ASB18: variants seen among roughly 807,000 people sequenced by gnomAD.
ASB18 encodes the protein ankyrin repeat and SOCS box containing 18, also known as ankyrin repeat and SOCS box protein 18.
In ASB18, 33 loss-of-function variants were observed where a neutral mutation model predicts 33.4. That is an observed-to-expected ratio of 0.99 (90% CI 0.75 to 1.32). The LOEUF is 1.32. Ranked by LOEUF, ASB18 falls within the 40% of genes most tolerant of loss-of-function variation. The probability of loss-of-function intolerance (pLI) is 0.00; values close to 1 mark genes in which losing one functional copy is unlikely to be tolerated. For missense variants in ASB18, 694 were observed against 655.5 expected, an observed-to-expected ratio of 1.06 and a Z score of -0.64; for synonymous variants, 295 against 307.6, an observed-to-expected ratio of 0.96 and a Z score of 0.43.
chr2:236,234,167 G>A lies in ASB18; in HGVS notation c.596+3522C>T, dbSNP rs567359817. On this transcript the variant is annotated intron_variant, in intron 3 of 5. Transcript: ENST00000409749. The surrounding 1 kb of genome is among the most constrained non-coding windows in gnomAD (Gnocchi z 4.1). ...AAACTGGAACCACTACTGAATCTAC[G>A]TCTTGGTAGAACACCTGGATACTCC... Among the ~76,000 whole-genome samples the A allele has an allele frequency of 3.9e-5, 6 of 152,264 alleles. No individual in the cohort carries two copies. Among genetic ancestry groups the A allele is most frequent in the East Asian group, 3.9e-4 (2 of 5,184 alleles).
chr2:236,254,978 G>C (rs2060685388), intron 1 of ASB18, among the ~76,000 whole-genome samples: 1 of 151,834 alleles, frequency 6.6e-6, no homozygotes, highest in Non-Finnish European at 1.5e-5. Context: ...TAGCACTCGC[G>C]ACCCCACTCT....
rs1383281955 is a variant in ASB18 at position 236,225,831 on chromosome 2, C to T, written c.597-10965G>A. Among the ~76,000 whole-genome samples the T allele has an allele frequency of 6.6e-6, 1 of 151,552 alleles. No individual in the cohort carries two copies. The highest frequency in any genetic ancestry group is 1.5e-5 in the Non-Finnish European group (1 of 67,964). On this transcript the variant is annotated intron_variant, in intron 3 of 5. Coordinates refer to ENST00000409749, the MANE Select transcript of ASB18 (RefSeq NM_212556.4). This position sits in a 1 kb window ranked among gnomAD's most constrained non-coding sequence, Gnocchi z 5.1. The stretch of plus-strand genomic sequence containing the variant: ...TTTTAATCCCAGGAACTCAGAGACT[C>T]AAAGGTTTTAAAGTCCTGTGCCCAT...
rs73128931 is a variant in ASB18, at chr2:236,239,668, T to C, written c.328+1612A>G. 0.073 allele frequency among the ~76,000 whole-genome samples: 11,062 copies of C among 152,298 alleles called. 931 individuals carry two copies. Among genetic ancestry groups the C allele is most frequent in the African/African-American group, 0.2 (8,497 of 41,546 alleles). On this transcript the variant is annotated intron_variant, in intron 2 of 5. Coordinates refer to ENST00000409749, the MANE Select transcript of ASB18 (RefSeq NM_212556.4). This position sits in a 1 kb window ranked among gnomAD's most constrained non-coding sequence, Gnocchi z 5.6. ...CTGTGGGCTGGATGGGCCAGCATTC[T>C]ATCACGGAGGGGCACCGAGGTGGTG... is the stretch of plus-strand genomic sequence containing the variant.
In ASB18 at chr2:236,214,369, A is replaced by G. The variant is rs1369719494; in HGVS notation, c.1094T>C (p.Phe365Ser). ...HGSPTVWPDA[F>S]PKVLKTCASV... ...GGCTGGATCCTGCCTTACCTTGGGG[A>G]AGGCGTCGGGCCACACGGTGGGAGA... The change falls in exon 4 of 6, where the codon TTC becomes TCC. Residue 365 changes from phenylalanine to serine, a missense_variant. Coordinates refer to ENST00000409749, the MANE Select transcript of ASB18 (RefSeq NM_212556.4). This position sits in a 1 kb window ranked among gnomAD's most constrained non-coding sequence, Gnocchi z 6.5. 4 of 1,575,510 alleles carry G rather than the reference A, an allele frequency of 2.5e-6. No homozygotes were observed. Among genetic ancestry groups the G allele is most frequent in the Non-Finnish European group, 3.4e-6 (4 of 1,164,926 alleles).
In ASB18 at chr2:236,214,127, C is replaced by T; in HGVS notation, c.1101+235G>A. 1.8e-6 allele frequency: 1 copy of T among 544,082 alleles called. No homozygotes were observed. Among genetic ancestry groups the T allele is most frequent in the South Asian group, 2.2e-5 (1 of 44,800 alleles). The allele number at this position is 544,082 out of a possible 1,614,324, so 33.7% of individuals were successfully genotyped here. The stretch of plus-strand genomic sequence containing the variant: ...GGCTCTAACCAGAAGGCTTCTAGGC[C>T]CCTGTTCCTCAAAATGGGGTCCCAG... On this transcript the variant is annotated intron_variant, in intron 4 of 5. Coordinates refer to ENST00000409749, the MANE Select transcript of ASB18 (RefSeq NM_212556.4). This position sits in a 1 kb window ranked among gnomAD's most constrained non-coding sequence, Gnocchi z 6.5.
rs1199092808 is a variant in ASB18 at position 236,235,921 on chromosome 2, C to T, written c.596+1768G>A. The stretch of plus-strand genomic sequence containing the variant: ...GTTGCCCAGGCTGGTCTTGAACTCC[C>T]GGACTCAAGTGATCTGCCTGTCTCA... On this transcript the variant is annotated intron_variant, in intron 3 of 5. Coordinates refer to ENST00000409749, the MANE Select transcript of ASB18 (RefSeq NM_212556.4). The surrounding 1 kb of genome is among the most constrained non-coding windows in gnomAD (Gnocchi z 6.2). 1.3e-5 allele frequency among the ~76,000 whole-genome samples: 2 copies of T among 152,092 alleles called. No individual in the cohort carries two copies. Among genetic ancestry groups the T allele is most frequent in the African/African-American group, 2.4e-5 (1 of 41,412 alleles).
rs554670593 is a variant in ASB18, at chr2:236,207,528, A to T, written c.1101+6834T>A. ...CATGAATCTATTCCTTTTTCTCTTT[A>T]TTAGTCTTTGATTAAGGAGAGAACC... On this transcript the variant is annotated intron_variant, in intron 4 of 5. Transcript: ENST00000409749. Among the ~76,000 whole-genome samples, 5 of 151,898 alleles carry T rather than the reference A, an allele frequency of 3.3e-5. 1 individual carries two copies. The South Asian group carries it at 1.0e-3, about 32-fold the overall frequency.
Position 236,208,777 on chromosome 2 carries a change from A to G in ASB18, c.1101+5585T>C, listed in dbSNP as rs780736564. ...GTTTGCCAGGCAGCTGGCTGCCTTC[A>G]TTATTTTTACGCCAACACAGTTTAA... On this transcript the variant is annotated intron_variant, in intron 4 of 5. Transcript: ENST00000409749. The surrounding 1 kb of genome is among the most constrained non-coding windows in gnomAD (Gnocchi z 7.7). Among the ~76,000 whole-genome samples, 1 of 152,098 alleles carries G rather than the reference A, an allele frequency of 6.6e-6. No individual in the cohort carries two copies. Among genetic ancestry groups the G allele is most frequent in the African/African-American group, 2.4e-5 (1 of 41,410 alleles).
intron 4 of ASB18, among the ~76,000 whole-genome samples, chr2:236,206,325 T>C (rs978906537): frequency 3.9e-5 from 6 of 152,168 alleles, no homozygotes; most frequent in Non-Finnish European, 7.3e-5. Context: ...TTGCCAGTTA[T>C]TGGTTCAGAG....
Position 236,263,659 on chromosome 2 carries a change from C to T in ASB18, c.205+482G>A, listed in dbSNP as rs1201238262. On this transcript the variant is annotated intron_variant, in intron 1 of 5. Coordinates refer to ENST00000409749, the MANE Select transcript of ASB18 (RefSeq NM_212556.4). This position sits in a 1 kb window ranked among gnomAD's most constrained non-coding sequence, Gnocchi z 4.0. ...CCGTATGAATCCTAATAAAGATGTT[C>T]GTTACAGCATTATTTATAGAAGCAA... Among the ~76,000 whole-genome samples, 1 of 152,170 alleles carries T rather than the reference C, an allele frequency of 6.6e-6. No individual in the cohort carries two copies. The highest frequency in any genetic ancestry group is 2.4e-5 in the African/African-American group (1 of 41,436).
Position 236,209,081 on chromosome 2 carries a change from T to C in ASB18, c.1101+5281A>G, listed in dbSNP as rs2060446764. ...TCTGTGAAGATGGGAGGGGGAGCCC[T>C]GGTTTTTGACTACTGCTACTCCAGA... On this transcript the variant is annotated intron_variant, in intron 4 of 5. Transcript: ENST00000409749. The surrounding 1 kb of genome is among the most constrained non-coding windows in gnomAD (Gnocchi z 4.4). 6.6e-6 allele frequency among the ~76,000 whole-genome samples: 1 copy of C among 152,150 alleles called. No individual in the cohort carries two copies. The highest frequency in any genetic ancestry group is 2.4e-5 in the African/African-American group (1 of 41,424).
rs2060472595 is a variant in ASB18, at chr2:236,214,205, A to G, written c.1101+157T>C. Reference sequence around the variant, plus strand: ...GCTTGTTGGCAATGCAGGCTCTCCCACCCCAGACCGGCAGAGCAGATTCTG... The same window carrying G: ...GCTTGTTGGCAATGCAGGCTCTCCCGCCCCAGACCGGCAGAGCAGATTCTG... On this transcript the variant is annotated intron_variant, in intron 4 of 5. Coordinates refer to ENST00000409749, the MANE Select transcript of ASB18 (RefSeq NM_212556.4). This position sits in a 1 kb window ranked among gnomAD's most constrained non-coding sequence, Gnocchi z 6.5. 2 of 776,948 alleles carry G rather than the reference A, an allele frequency of 2.6e-6. No individual in the cohort carries two copies. The highest frequency in any genetic ancestry group is 3.9e-6 in the Non-Finnish European group (2 of 511,418). 48.1% of individuals were successfully genotyped at this position (776,948 alleles called of 1,614,324 possible).
intron 2 of ASB18, among the ~76,000 whole-genome samples, chr2:236,240,013 C>A (rs374208831): frequency 1.3e-5 from 2 of 152,224 alleles, no homozygotes; most frequent in African/African-American, 4.8e-5. Context: ...AGTATCCTGT[C>A]GTCCAGGTGT....
Position 236,237,969 on chromosome 2 carries a change from A to T in ASB18, c.329-13T>A. 6.7e-7 allele frequency: 1 copy of T among 1,483,078 alleles called. No individual in the cohort carries two copies. The highest frequency in any genetic ancestry group is 2.3e-5 in the Admixed American group (1 of 42,650). 91.9% of individuals were successfully genotyped at this position (1,483,078 alleles called of 1,614,324 possible). On this transcript the variant is annotated splice_polypyrimidine_tract_variant and intron_variant, in intron 2 of 5. Coordinates refer to ENST00000409749, the MANE Select transcript of ASB18 (RefSeq NM_212556.4). The surrounding 1 kb of genome is among the most constrained non-coding windows in gnomAD (Gnocchi z 6.2). ...AGGGTCCAGAGGCCTGCGGGGAGGGAGGTGGGATGTAAGGTCAGGGGGAGG... is the reference window on the plus strand; with the variant it reads ...AGGGTCCAGAGGCCTGCGGGGAGGGTGGTGGGATGTAAGGTCAGGGGGAGG...
Position 236,248,964 on chromosome 2 carries a change from C to T in ASB18, c.206-7562G>A, listed in dbSNP as rs944520536. On this transcript the variant is annotated intron_variant, in intron 1 of 5. Coordinates refer to ENST00000409749, the MANE Select transcript of ASB18 (RefSeq NM_212556.4). The surrounding 1 kb of genome is among the most constrained non-coding windows in gnomAD (Gnocchi z 4.9). ...CAGCTATTCACTACTATGGGTTCCC[C>T]GTTTGGGGCACTAGAAGTTTCTTTC... The T allele has an allele frequency of 5.3e-5, 8 of 152,132 alleles. No individual in the cohort carries two copies. The highest frequency in any genetic ancestry group is 1.9e-4 in the African/African-American group (8 of 41,428). The allele number at this position is 152,132 out of a possible 1,614,324, so 9.4% of individuals were successfully genotyped here.
intron 4 of ASB18, among the ~76,000 whole-genome samples, chr2:236,201,761 T>G (rs12466147): frequency 1.3e-5 from 2 of 151,798 alleles, no homozygotes; most frequent in Non-Finnish European, 2.9e-5. Context: ...TTTTCAGTCA[T>G]TTTCTCTGTT....
At chr2:236,243,685 A>C (rs1330261969) in intron 1 of ASB18, among the ~76,000 whole-genome samples, 1 of 150,702 alleles carries the variant, frequency 6.6e-6, no homozygotes, top group African/African-American at 2.4e-5. Flanking sequence ...GTAATGCCAC[A>C]TTTTTTTTTT....
In ASB18 at chr2:236,257,373, C is replaced by G. The variant is rs2060697254; in HGVS notation, c.205+6768G>C. Among the ~76,000 whole-genome samples the G allele has an allele frequency of 6.6e-6, 1 of 152,190 alleles. No homozygotes were observed. Among genetic ancestry groups the G allele is most frequent in the African/African-American group, 2.4e-5 (1 of 41,464 alleles). On this transcript the variant is annotated intron_variant, in intron 1 of 5. Transcript: ENST00000409749. The surrounding 1 kb of genome is among the most constrained non-coding windows in gnomAD (Gnocchi z 5.5). ...GAGCAGTCAAGACAGCAGAGCGCTT[C>G]TCCTCCTGCCTGCCCTGCCGTGGGT... is the stretch of plus-strand genomic sequence containing the variant.
intron 1 of ASB18, among the ~76,000 whole-genome samples, chr2:236,243,460 G>A (rs2060631429): frequency 1.3e-5 from 2 of 151,976 alleles, no homozygotes; most frequent in Admixed American, 6.6e-5. Flanking sequence ...GAGCAGATGT[G>A]TGTTCCAAGG....
Sources: allele counts gnomAD v4.1 joint callset (sites outside exome capture counted in the v4.1 genomes callset), GRCh38; gene constraint gnomAD v4.1.1; non-coding constraint Gnocchi (gnomAD v3.1); transcripts MANE v1.5; gene names NCBI Gene and HGNC (gene_info 2026-07-23, HGNC 2026-07-21).